The following CLASP1 variants were observed in gnomAD, a reference collection of about 807,000 sequenced individuals.
CLASP1 encodes cytoplasmic linker associated protein 1.
In CLASP1, 38 loss-of-function variants were observed where a neutral mutation model predicts 192.3. The ratio of observed to expected loss-of-function variants is 0.20; its 90% CI spans 0.15 to 0.26. CLASP1 has a LOEUF of 0.26. CLASP1 is among the 10% of genes least tolerant of loss of function. CLASP1 has a pLI of 1.00. For missense variants in CLASP1, 1,433 were observed against 1,932.5 expected (o/e 0.74, Z 4.85); for synonymous variants, 691 against 712.8 (o/e 0.97, Z 0.49).
intron 19 of CLASP1, among the ~76,000 whole-genome samples, chr2:121,434,677 A>T (rs549297684): frequency 6.6e-6 from 1 of 152,268 alleles, no homozygotes; most frequent in Admixed American, 6.5e-5. Context: ...AAGTTTGCCT[A>T]CTTGATTAGT....
At chr2:121,385,408 T>C (rs1460263999) in intron 32 of CLASP1, among the ~76,000 whole-genome samples, 1 of 152,212 alleles carries the variant, frequency 6.6e-6, no homozygotes, top group Non-Finnish European at 1.5e-5. Context: ...TACTGAATAT[T>C]GAAAATAAAT....
intron 8 of CLASP1, among the ~76,000 whole-genome samples, chr2:121,489,689 A>C: frequency 6.6e-6 from 1 of 152,248 alleles, no homozygotes; most frequent in East Asian, 1.9e-4. Context: ...AGCTCTGTGG[A>C]AAGACTGAAA....
intron 1 of CLASP1, among the ~76,000 whole-genome samples, chr2:121,639,733 C>T (rs1001066429): frequency 1.3e-5 from 2 of 151,610 alleles, no homozygotes; most frequent in African/African-American, 4.8e-5. Context: ...CATGGTGGCG[C>T]ATGCCTGTAA....
chr2:121,547,868 C>T (rs1032617822), intron 2 of CLASP1, among the ~76,000 whole-genome samples: 2 of 152,148 alleles, frequency 1.3e-5, no homozygotes, highest in African/African-American at 4.8e-5. Flanking sequence ...AAGAAGTCAG[C>T]TTCAAAGACC....
At chr2:121,354,210 CAACTTGGGCTGTAGAAAA>C in intron 37 of CLASP1, among the ~76,000 whole-genome samples, 1 of 152,188 alleles carries the variant, frequency 6.6e-6, no homozygotes, top group Non-Finnish European at 1.5e-5. Flanking sequence ...TACAAATGAT[CAACTTGGGCTGTAGAAAA>C]ATCTACTGTA....
Position 121,579,356 on chromosome 2 carries a change from T to C in CLASP1, c.195+26345A>G, listed in dbSNP as rs180846921. Among the ~76,000 whole-genome samples, 25 of 152,340 alleles carry C rather than the reference T, an allele frequency of 1.6e-4. No individual in the cohort carries two copies. In the East Asian group the frequency reaches 3.9e-3, roughly 23 times the overall value. Reference sequence around the variant, plus strand: ...GTGTTTCATGTGCATACCATAAACTTCATCCTTTTAAAGTGTACAACTCCG... The same window carrying C: ...GTGTTTCATGTGCATACCATAAACTCCATCCTTTTAAAGTGTACAACTCCG... On this transcript the variant is annotated intron_variant, in intron 2 of 39. Transcript: ENST00000263710.
chr2:121,444,249 T>A lies in CLASP1; in HGVS notation c.1912+3088A>T, dbSNP rs993741798. ...AAACAAAATAAAGTGGATCTGGATA[T>A]GCCTATTTCTTACAGCATTACTATA... is the stretch of plus-strand genomic sequence containing the variant. On this transcript the variant is annotated intron_variant, in intron 19 of 39. Transcript: ENST00000263710. 2.6e-5 allele frequency among the ~76,000 whole-genome samples: 4 copies of A among 152,160 alleles called. No individual in the cohort carries two copies. In the East Asian group the frequency reaches 7.7e-4, roughly 29 times the overall value.
intron 32 of CLASP1, 130 bp downstream of exon 33, chr2:121,386,992 A>G: frequency 1.3e-6 from 1 of 764,602 alleles, no homozygotes; most frequent in Non-Finnish European, 2.2e-6. Context: ...TGAGGACTAG[A>G]ACCCACGGTT....
intron 39 of CLASP1, among the ~76,000 whole-genome samples, chr2:121,342,449 T>TA (rs2062901542): frequency 6.6e-6 from 1 of 152,054 alleles, no homozygotes. Flanking sequence ...ATGAAAATGA[T>TA]AAGACAATTT....
At chr2:121,395,631 T>C (rs1463112830) in intron 30 of CLASP1, among the ~76,000 whole-genome samples, 1 of 152,232 alleles carries the variant, frequency 6.6e-6, no homozygotes, top group African/African-American at 2.4e-5. Flanking sequence ...ACTGCATCCA[T>C]ATTCCACATC....
intron 8 of CLASP1, among the ~76,000 whole-genome samples, chr2:121,489,012 A>C (rs1168330262): frequency 6.6e-6 from 1 of 152,206 alleles, no homozygotes; most frequent in Non-Finnish European, 1.5e-5. Context: ...GCTGACTCTC[A>C]TATTATTTTG....
intron 2 of CLASP1, among the ~76,000 whole-genome samples, chr2:121,582,326 G>C (rs954281406): frequency 1.4e-5 from 2 of 142,718 alleles, no homozygotes; most frequent in Admixed American, 7.1e-5. Flanking sequence ...AAAGAGAAAG[G>C]GAGAGAGAGA....
Position 121,562,736 on chromosome 2 carries a change from T to C in CLASP1, c.196-32411A>G, listed in dbSNP as rs2059195489. On this transcript the variant is annotated intron_variant, in intron 2 of 39. Transcript: ENST00000263710. ...TTGGCTTTTGTCCTCTGGGGTTTTA[T>C]TATTGTTCAGGTTTTGTCTTTCAAT... Among the ~76,000 whole-genome samples the C allele has an allele frequency of 2.6e-5, 4 of 151,998 alleles. No individual in the cohort carries two copies. In the South Asian group the frequency reaches 8.5e-4, roughly 32 times the overall value.
At chr2:121,603,193 G>C (rs1368077542) in intron 2 of CLASP1, 3 of 149,510 alleles carry the variant, frequency 2.0e-5, no homozygotes, top group Non-Finnish European at 4.4e-5. Flanking sequence ...GAATAAACAA[G>C]GAACTCAAAC....
At chr2:121,611,499 A>T (rs370086824) in intron 1 of CLASP1, among the ~76,000 whole-genome samples, 2 of 85,486 alleles carry the variant, frequency 2.3e-5, no homozygotes, top group East Asian at 4.4e-4. Flanking sequence ...AGTTACAGGA[A>T]GAAGAGGAAC....
At chr2:121,341,343 G>T (rs539048252) in intron 39 of CLASP1, among the ~76,000 whole-genome samples, 1 of 152,216 alleles carries the variant, frequency 6.6e-6, no homozygotes, top group African/African-American at 2.4e-5. Context: ...CGCTCCACAG[G>T]GGGGAAGTGG....
At chr2:121,414,660 TAGA>T (rs2078261562) in intron 23 of CLASP1, among the ~76,000 whole-genome samples, 1 of 152,204 alleles carries the variant, frequency 6.6e-6, no homozygotes, top group Admixed American at 6.5e-5. Flanking sequence ...AAAACAAGCA[TAGA>T]AGTTCATAAT....
intron 2 of CLASP1, among the ~76,000 whole-genome samples, chr2:121,547,193 T>C (rs2057529269): frequency 6.6e-6 from 1 of 152,110 alleles, no homozygotes; most frequent in African/African-American, 2.4e-5. Context: ...GCCACCCCCT[T>C]ACCAGAGCTA....
chr2:121,575,930 T>A (rs1431166320), intron 2 of CLASP1, among the ~76,000 whole-genome samples: 1 of 152,154 alleles, frequency 6.6e-6, no homozygotes, highest in Admixed American at 6.5e-5. Flanking sequence ...GGGTGCAGAT[T>A]CTCACCCCCA....
Sources: gnomAD v4.1 joint callset for allele counts (sites outside exome capture counted in the v4.1 genomes callset) on GRCh38, gnomAD v4.1.1 for gene constraint, MANE v1.5 for transcripts, NCBI Gene and HGNC (gene_info 2026-07-23, HGNC 2026-07-21) for gene names.